Variants in TOGARAM2 observed in about 807,000 individuals in gnomAD.
TOGARAM2 encodes the protein TOG array regulator of axonemal microtubules 2, also known as TOG array regulator of axonemal microtubules protein 2.
A neutral mutation model predicts 93.3 loss-of-function variants in TOGARAM2; 85 were observed. That is an observed-to-expected ratio of 0.91 (90% CI 0.76 to 1.09). The LOEUF is 1.09. Ranked by LOEUF, TOGARAM2 falls within the 50% of genes least tolerant of loss-of-function variation. The pLI, the probability that TOGARAM2 is intolerant of heterozygous loss-of-function variation, is 0.00. For missense variants in TOGARAM2, 1,277 were observed against 1,334.5 expected (o/e 0.96, Z 0.67); for synonymous variants, 593 against 552.8 (o/e 1.07, Z -1.02).
chr2:28,961,852 A>G (rs916231589), intron 1 of TOGARAM2, among the ~76,000 whole-genome samples: 1 of 152,190 alleles, frequency 6.6e-6, no homozygotes, highest in Non-Finnish European at 1.5e-5. Context: ...ATCATTATGG[A>G]ATAAGTGTCT....
intron 18 of TOGARAM2, among the ~76,000 whole-genome samples, chr2:29,043,740 G>A (rs1417481087): frequency 6.6e-6 from 1 of 152,238 alleles, no homozygotes; most frequent in African/African-American, 2.4e-5. Flanking sequence ...TTTCTCTGCA[G>A]TCCACAAGGA....
chr2:29,025,222 C>G (rs1665274225), intron 13 of TOGARAM2, among the ~76,000 whole-genome samples: 1 of 152,182 alleles, frequency 6.6e-6, no homozygotes, highest in Non-Finnish European at 1.5e-5. Flanking sequence ...TTCTCTGTGT[C>G]TCAGTTGACT....
intron 1 of TOGARAM2, among the ~76,000 whole-genome samples, chr2:28,987,657 G>T (rs1672529607): frequency 6.6e-6 from 1 of 152,176 alleles, no homozygotes; most frequent in South Asian, 2.1e-4. Flanking sequence ...CATGAACCTG[G>T]CACTGTTTGT....
intron 1 of TOGARAM2, among the ~76,000 whole-genome samples, chr2:28,983,401 A>G (rs1049931218): frequency 1.4e-4 from 21 of 151,814 alleles, no homozygotes; most frequent in African/African-American, 4.6e-4. Flanking sequence ...ACTTTATAGA[A>G]GTAGGGGCAT....
At chr2:29,008,803 A>G (rs1240027609) in intron 6 of TOGARAM2, among the ~76,000 whole-genome samples, 1 of 152,190 alleles carries the variant, frequency 6.6e-6, no homozygotes, top group African/African-American at 2.4e-5. Flanking sequence ...TTGGAGCACC[A>G]CAGGGCAGGG....
At chr2:29,005,486 CATGT>C (rs1673686764) in intron 6 of TOGARAM2, among the ~76,000 whole-genome samples, 1 of 110,578 alleles carries the variant, frequency 9.0e-6, no homozygotes, top group Non-Finnish European at 1.7e-5. Flanking sequence ...TGCATGTGTG[CATGT>C]GTGTGAGTGC....
rs536310671 is a variant in TOGARAM2 at position 29,041,395 on chromosome 2, C to T, written c.2636-3929C>T. 9.9e-5 allele frequency among the ~76,000 whole-genome samples: 15 copies of T among 152,272 alleles called. No homozygotes were observed. In the South Asian group the frequency reaches 3.1e-3, roughly 32 times the overall value. ...CATGTTTCTGTGCAAGTGAATCAGT[C>T]ACAGTTTTTTCTTTAGATGAACATC... is the stretch of plus-strand genomic sequence containing the variant. On this transcript the variant is annotated intron_variant, in intron 18 of 19. Transcript: ENST00000379558.
intron 1 of TOGARAM2, among the ~76,000 whole-genome samples, chr2:28,962,278 C>A (rs1671812898): frequency 6.6e-6 from 1 of 151,456 alleles, no homozygotes. Context: ...CGGGTTCAAG[C>A]AATTCTCCTG....
intron 1 of TOGARAM2, among the ~76,000 whole-genome samples, chr2:28,989,460 C>T (rs1672615253): frequency 6.6e-6 from 1 of 151,378 alleles, no homozygotes; most frequent in South Asian, 2.1e-4. Context: ...TGCGGTGGCA[C>T]AATCTCAGCT....
intron 14 of TOGARAM2, among the ~76,000 whole-genome samples, chr2:29,027,693 G>C (rs969693977): frequency 1.2e-4 from 19 of 152,202 alleles, no homozygotes; most frequent in African/African-American, 4.3e-4. Context: ...AGGAGGTAAA[G>C]GCTGCAATGC....
At chr2:29,010,063 G>A (rs566375914) in intron 6 of TOGARAM2, among the ~76,000 whole-genome samples, 2 of 151,742 alleles carry the variant, frequency 1.3e-5, no homozygotes, top group Non-Finnish European at 2.9e-5. Flanking sequence ...GTGTTGGGGG[G>A]GCGCAGAGCG....
chr2:29,013,491 G>C (rs1170794501), intron 7 of TOGARAM2, among the ~76,000 whole-genome samples: 1 of 152,188 alleles, frequency 6.6e-6, no homozygotes, highest in Non-Finnish European at 1.5e-5. Flanking sequence ...CCTCAAACCA[G>C]GGACGCCAAC....
rs1672703668 is a variant in TOGARAM2, at chr2:28,991,008, G to A, written c.-110-3717G>A. 2.0e-5 allele frequency among the ~76,000 whole-genome samples: 3 copies of A among 149,564 alleles called. No homozygotes were observed. The South Asian group carries it at 6.5e-4, about 32-fold the overall frequency. ...GTGTGAAGGGTGTGTGTGTGTGTGT[G>A]TGTGTGTGTGTGTGTGTGTGTGTGT... On this transcript the variant is annotated intron_variant, in intron 1 of 19. Transcript: ENST00000379558.
At chr2:28,980,837 G>T (rs1672151582), upstream of TOGARAM2, among the ~76,000 whole-genome samples, 1 of 152,186 alleles carries the variant, frequency 6.6e-6, no homozygotes, top group Non-Finnish European at 1.5e-5. Flanking sequence ...TATCAAGTCA[G>T]TACTATTGGT....
At position 29,026,859 on chromosome 2, in the gene TOGARAM2, G is replaced by C. The variant is rs200257242; in HGVS notation, c.1860G>C (p.Arg620=). ...GGCCATGATTTCCTTTCAGCCACCG[G>C]AACCCCTTGATCCGGAAATACGCGG... ...VVLTSAGVYH[R]NPLIRKYAAE... is the part of the protein sequence containing the mutation. The change falls in exon 14 of 20, where the codon CGG becomes CGC. Residue 620 remains arginine, a synonymous_variant. Transcript: ENST00000379558. The C allele has an allele frequency of 6.3e-7, 1 of 1,588,642 alleles. No homozygotes were observed. The highest frequency in any genetic ancestry group is 1.3e-5 in the African/African-American group (1 of 74,262).
intron 18 of TOGARAM2, 33 bp downstream of exon 18, chr2:29,036,790 G>A: frequency 6.3e-7 from 1 of 1,585,440 alleles, no homozygotes; most frequent in Admixed American, 1.8e-5. Flanking sequence ...TGTGGCTCTG[G>A]TCACCATGTC....
chr2:28,991,334 A>T (rs1572644927), intron 1 of TOGARAM2, among the ~76,000 whole-genome samples: 1 of 152,014 alleles, frequency 6.6e-6, no homozygotes, highest in Non-Finnish European at 1.5e-5. Flanking sequence ...GTGGGGTGTG[A>T]GACGGGAGGG....
intron 18 of TOGARAM2, among the ~76,000 whole-genome samples, chr2:29,039,568 C>G (rs1232050245): frequency 6.6e-6 from 1 of 152,180 alleles, no homozygotes; most frequent in African/African-American, 2.4e-5. Flanking sequence ...TTTCCCCAGG[C>G]TGGGTGGGGT....
At chr2:29,009,952 A>C (rs1356905704) in intron 6 of TOGARAM2, among the ~76,000 whole-genome samples, 1 of 151,888 alleles carries the variant, frequency 6.6e-6, no homozygotes, top group Non-Finnish European at 1.5e-5. Flanking sequence ...AGGGGAGGGC[A>C]AGAGGCTTCC....
Sources: allele counts gnomAD v4.1 joint callset (sites outside exome capture counted in the v4.1 genomes callset), GRCh38; gene constraint gnomAD v4.1.1; transcripts MANE v1.5; gene names NCBI Gene and HGNC (gene_info 2026-07-23, HGNC 2026-07-21).